The following SMAD1 variants were observed in gnomAD, a reference collection of about 807,000 sequenced individuals.
The protein encoded by SMAD1 is MAD, mothers against decapentaplegic homolog 1.
A neutral mutation model predicts 41.6 loss-of-function variants in SMAD1; 6 were observed. That is an observed-to-expected ratio of 0.14 (90% CI 0.08 to 0.28). The LOEUF (loss-of-function observed/expected upper bound fraction) is 0.28, where lower values mean the gene tolerates loss of function less well. Ranked by LOEUF, SMAD1 falls within the 10% of genes least tolerant of loss-of-function variation. SMAD1 has a pLI of 1.00. For missense variants in SMAD1, 379 were observed against 582.6 expected, an observed-to-expected ratio of 0.65 and a Z score of 3.60; for synonymous variants, 206 against 203.2, an observed-to-expected ratio of 1.01 and a Z score of -0.12.
chr4:145,553,678 A>G (rs1414949395), intron 5 of SMAD1, 106 bp from the exon 6 acceptor site: 1 of 1,063,328 alleles, frequency 9.4e-7, no homozygotes, highest in Admixed American at 2.0e-5. Context: ...CTAACTAGCC[A>G]AAGTTTAAAT....
At chr4:145,531,621 T>A (rs6852200) in intron 2 of SMAD1, among the ~76,000 whole-genome samples, 1 of 152,024 alleles carries the variant, frequency 6.6e-6, no homozygotes, top group Non-Finnish European at 1.5e-5. Context: ...GAAGACCCTG[T>A]GGAGAGCAAG....
chr4:145,537,581 C>T (rs903867999), intron 2 of SMAD1, among the ~76,000 whole-genome samples: 1 of 151,782 alleles, frequency 6.6e-6, no homozygotes, highest in Non-Finnish European at 1.5e-5. Context: ...TTTTTTTTCC[C>T]CCAACCCAAG....
rs1466020041 is a variant in SMAD1, at chr4:145,484,708, C to T, written c.-177+2670C>T. 2 of 152,134 alleles carry T rather than the reference C, an allele frequency of 1.3e-5. 1 individual carries two copies. Among genetic ancestry groups the T allele is most frequent in the Non-Finnish European group, 2.9e-5 (2 of 68,022 alleles). 9.4% of individuals were successfully genotyped at this position (152,134 alleles called of 1,614,324 possible). On this transcript the variant is annotated intron_variant, in intron 1 of 6. Transcript: ENST00000302085. Reference sequence around the variant, plus strand: ...TCATTTGGTAGAGGAGAAACAGATGCTTTAGGGATGCTGATAAGGACCTTT... The same window carrying T: ...TCATTTGGTAGAGGAGAAACAGATGTTTTAGGGATGCTGATAAGGACCTTT...
At chr4:145,556,204 C>T (rs1732825422) in intron 6 of SMAD1, among the ~76,000 whole-genome samples, 1 of 152,112 alleles carries the variant, frequency 6.6e-6, no homozygotes, top group South Asian at 2.1e-4. Context: ...TCCAAGTCAG[C>T]TCAGCTGAAC....
chr4:145,482,781 T>G lies in SMAD1; in HGVS notation c.-177+743T>G, dbSNP rs979186388. On this transcript the variant is annotated intron_variant, in intron 1 of 6. Transcript: ENST00000302085. This position sits in a 1 kb window ranked among gnomAD's most constrained non-coding sequence, Gnocchi z 4.2. Reference sequence around the variant, plus strand: ...TGCGTCTCCTGGTGTCTCGTTCCTTTCCCTTTACCGGAGTCGATTGCCTCA... The same window carrying G: ...TGCGTCTCCTGGTGTCTCGTTCCTTGCCCTTTACCGGAGTCGATTGCCTCA... The G allele has an allele frequency of 2.0e-5, 3 of 152,276 alleles. No individual in the cohort carries two copies. Among genetic ancestry groups the G allele is most frequent in the Non-Finnish European group, 2.9e-5 (2 of 68,076 alleles). The allele number at this position is 152,276 out of a possible 1,614,324, so 9.4% of individuals were successfully genotyped here.
At chr4:145,557,512 A>C (rs907301998) in intron 6 of SMAD1, among the ~76,000 whole-genome samples, 3 of 152,204 alleles carry the variant, frequency 2.0e-5, no homozygotes, top group Non-Finnish European at 4.4e-5. Context: ...TATTAAGATA[A>C]CTTTATAATG....
chr4:145,510,928 T>A (rs1730041103), intron 1 of SMAD1, among the ~76,000 whole-genome samples: 1 of 152,234 alleles, frequency 6.6e-6, no homozygotes, highest in Non-Finnish European at 1.5e-5. Context: ...AACTCATCAC[T>A]ATAAAATGTC....
chr4:145,537,637 T>G (rs1439581903), intron 2 of SMAD1, among the ~76,000 whole-genome samples: 1 of 152,150 alleles, frequency 6.6e-6, no homozygotes, highest in Non-Finnish European at 1.5e-5. Context: ...TAAATTGTAG[T>G]TTATATATAT....
At chr4:145,516,872 T>C (rs998157269) in intron 2 of SMAD1, 3 of 152,170 alleles carry the variant, frequency 2.0e-5, no homozygotes, top group African/African-American at 7.2e-5. Context: ...CCATATGCGA[T>C]GAAACTGAGG....
At chr4:145,542,500 AT>A in intron 3 of SMAD1, 81 bp from the exon 4 acceptor site, 1 of 743,296 alleles carries the variant, frequency 1.3e-6, no homozygotes, top group East Asian at 2.9e-5. Flanking sequence ...TCTCTTGAGA[AT>A]TTCAGTACAG....
chr4:145,544,475 G>A (rs1732136330), intron 4 of SMAD1: 1 of 152,092 alleles, frequency 6.6e-6, no homozygotes, highest in Non-Finnish European at 1.5e-5. Flanking sequence ...GAGCTACTTG[G>A]GAGGCTGAGG....
chr4:145,491,701 C>T (rs1045993784), intron 1 of SMAD1, among the ~76,000 whole-genome samples: 1 of 152,168 alleles, frequency 6.6e-6, no homozygotes, highest in Admixed American at 6.5e-5. Context: ...CACCCTGCTT[C>T]CCTCCATAAC....
intron 2 of SMAD1, among the ~76,000 whole-genome samples, chr4:145,523,557 T>C (rs1730871097): frequency 6.6e-6 from 1 of 152,206 alleles, no homozygotes; most frequent in African/African-American, 2.4e-5. Flanking sequence ...AATACAAATA[T>C]ACTATGTATA....
intron 4 of SMAD1, chr4:145,545,028 GT>G (rs1732167286): frequency 6.6e-6 from 1 of 151,684 alleles, no homozygotes; most frequent in South Asian, 2.1e-4. Flanking sequence ...AGGAAGGAAT[GT>G]TGGCCATTTT....
intron 5 of SMAD1, among the ~76,000 whole-genome samples, chr4:145,548,086 G>T (rs1454840263): frequency 2.6e-5 from 4 of 152,132 alleles, no homozygotes; most frequent in Non-Finnish European, 5.9e-5. Context: ...AGAAAGTAAA[G>T]AAGTGCTTAT....
chr4:145,507,781 A>G (rs1729870878), intron 1 of SMAD1, among the ~76,000 whole-genome samples: 1 of 152,120 alleles, frequency 6.6e-6, no homozygotes, highest in Non-Finnish European at 1.5e-5. Context: ...AAGGCCACTT[A>G]GCTTTTGACA....
chr4:145,551,240 C>G (rs558651526), intron 5 of SMAD1, among the ~76,000 whole-genome samples: 15 of 152,166 alleles, frequency 9.9e-5, no homozygotes, highest in African/African-American at 3.1e-4. Context: ...CATAGCAAAT[C>G]AGTAGAGTCT....
At chr4:145,556,823 A>C (rs945112574) in intron 6 of SMAD1, among the ~76,000 whole-genome samples, 2 of 152,088 alleles carry the variant, frequency 1.3e-5, no homozygotes, top group African/African-American at 4.8e-5. Context: ...CCCAAGTAGC[A>C]GGGATTACAG....
At position 145,482,189 on chromosome 4, in the gene SMAD1, G is replaced by A. The variant is rs950705692; in HGVS notation, c.-177+151G>A. On this transcript the variant is annotated intron_variant, in intron 1 of 6. Coordinates refer to ENST00000302085, the MANE Select transcript of SMAD1 (RefSeq NM_005900.3). The surrounding 1 kb of genome is among the most constrained non-coding windows in gnomAD (Gnocchi z 4.2). ...TGGGCTGGGGGCGCGGGCAGCGGCGGGAAGGGGGCTCTTTCTGCGCGGGGC... is the reference window on the plus strand; with the variant it reads ...TGGGCTGGGGGCGCGGGCAGCGGCGAGAAGGGGGCTCTTTCTGCGCGGGGC... Among the ~76,000 whole-genome samples, 5 of 151,412 alleles carry A rather than the reference G, an allele frequency of 3.3e-5. No individual in the cohort carries two copies. Among genetic ancestry groups the A allele is most frequent in the African/African-American group, 1.2e-4 (5 of 41,148 alleles).
Sources: gnomAD v4.1 joint callset for allele counts (sites outside exome capture counted in the v4.1 genomes callset) on GRCh38, gnomAD v4.1.1 for gene constraint, Gnocchi (gnomAD v3.1) non-coding constraint, MANE v1.5 for transcripts, NCBI Gene and HGNC (gene_info 2026-07-23, HGNC 2026-07-21) for gene names.